Variants in KCND2 observed in about 807,000 individuals in gnomAD.
KCND2 encodes A-type voltage-gated potassium channel KCND2.
KCND2 carries 16 observed loss-of-function variants against 54.4 expected under a neutral mutation model. The observed-to-expected ratio is 0.29, with a 90% confidence interval of 0.20 to 0.45. The LOEUF (loss-of-function observed/expected upper bound fraction) is 0.45. Ranked by LOEUF, KCND2 falls within the 20% of genes least tolerant of loss-of-function variation. The pLI is 1.00. For missense variants in KCND2, 486 were observed against 824.2 expected (o/e 0.59, Z 5.02); for synonymous variants, 317 against 310.7 (o/e 1.02, Z -0.21).
At chr7:120,443,471 A>G (rs1367123237) in intron 1 of KCND2, among the ~76,000 whole-genome samples, 2 of 151,800 alleles carry the variant, frequency 1.3e-5, no homozygotes, top group Non-Finnish European at 2.9e-5. Context: ...CATTATCATA[A>G]TTTCCTTACT....
At chr7:120,439,826 A>G (rs536885581) in intron 1 of KCND2, among the ~76,000 whole-genome samples, 17 of 152,176 alleles carry the variant, frequency 1.1e-4, no homozygotes, top group African/African-American at 4.1e-4. Context: ...GTTGCTGTGA[A>G]TGACACAATT....
intron 1 of KCND2, among the ~76,000 whole-genome samples, chr7:120,399,997 A>T (rs1801223238): frequency 6.6e-6 from 1 of 152,136 alleles, no homozygotes; most frequent in Admixed American, 6.6e-5. Flanking sequence ...AAGTGCTGGG[A>T]TTACAGGCAT....
chr7:120,504,413 TG>T (rs1366096005), intron 1 of KCND2, among the ~76,000 whole-genome samples: 1 of 151,942 alleles, frequency 6.6e-6, no homozygotes, highest in African/African-American at 2.4e-5. Context: ...CTCAAGTATG[TG>T]GATCTATTTT....
rs549504459 is a variant in KCND2 at position 120,526,179 on chromosome 7, A to G, written c.1116-206724A>G. Among the ~76,000 whole-genome samples, 3 of 152,306 alleles carry G rather than the reference A, an allele frequency of 2.0e-5. No individual in the cohort carries two copies. In the South Asian group the frequency reaches 6.2e-4, roughly 32 times the overall value. On this transcript the variant is annotated intron_variant, in intron 1 of 5. Coordinates refer to ENST00000331113, the MANE Select transcript of KCND2 (RefSeq NM_012281.3). ...TCTGTTTTATGAATTTTCATGTACA[A>G]TTCACCAGACATCACTTTCTGAATC...
At chr7:120,301,229 A>G (rs1799581823) in intron 1 of KCND2, among the ~76,000 whole-genome samples, 1 of 152,186 alleles carries the variant, frequency 6.6e-6, no homozygotes, top group South Asian at 2.1e-4. Context: ...GGTAGGTAAT[A>G]TTACTATAGT....
At chr7:120,422,686 G>T (rs553441295) in intron 1 of KCND2, among the ~76,000 whole-genome samples, 2 of 152,016 alleles carry the variant, frequency 1.3e-5, no homozygotes, top group African/African-American at 4.8e-5. Context: ...CCTCCACCTC[G>T]CTCTGCTTTC....
intron 1 of KCND2, among the ~76,000 whole-genome samples, chr7:120,304,602 T>C (rs1799625047): frequency 6.6e-6 from 1 of 152,330 alleles, no homozygotes; most frequent in East Asian, 1.9e-4. Flanking sequence ...CAGCTTATTC[T>C]GATGCCAGTT....
chr7:120,642,571 AAAAAAAAT>A (rs1562896476), intron 1 of KCND2, among the ~76,000 whole-genome samples: 113 of 149,196 alleles, frequency 7.6e-4, no homozygotes, highest in African/African-American at 2.6e-3. Flanking sequence ...ATAAAAAATA[AAAAAAAAT>A]ATATATATAT....
chr7:120,703,198 T>C (rs991055864), intron 1 of KCND2, among the ~76,000 whole-genome samples: 11 of 152,192 alleles, frequency 7.2e-5, no homozygotes, highest in African/African-American at 2.2e-4. Flanking sequence ...CAATTTTCAC[T>C]GGCACATCAG....
intron 1 of KCND2, among the ~76,000 whole-genome samples, chr7:120,635,318 A>G (rs1207941207): frequency 1.3e-5 from 2 of 152,222 alleles, no homozygotes; most frequent in African/African-American, 4.8e-5. Context: ...ATAGGAATCA[A>G]TATATTTCAT....
intron 1 of KCND2, among the ~76,000 whole-genome samples, chr7:120,417,614 T>C (rs1801542895): frequency 6.6e-6 from 1 of 152,180 alleles, no homozygotes; most frequent in Non-Finnish European, 1.5e-5. Context: ...TGTAAGCAAG[T>C]ATAAATTTTT....
intron 1 of KCND2, among the ~76,000 whole-genome samples, chr7:120,612,134 G>A (rs1792964057): frequency 6.9e-6 from 1 of 144,084 alleles, no homozygotes; most frequent in Non-Finnish European, 1.6e-5. Context: ...CTACTAATGA[G>A]CAGATAGAGA....
rs1446613412 is a variant in KCND2 at position 120,750,010 on chromosome 7, TTTTGA to T, written c.*2156_*2160del. 1 of 151,992 alleles carries T rather than the reference TTTTGA, an allele frequency of 6.6e-6. No homozygotes were observed. Among genetic ancestry groups the T allele is most frequent in the Non-Finnish European group, 1.5e-5 (1 of 67,870 alleles). The allele number at this position is 151,992 out of a possible 1,614,324, so 9.4% of individuals were successfully genotyped here. On this transcript the variant is annotated 3_prime_UTR_variant, in exon 6 of 6. Transcript: ENST00000331113. ...TTTCAATTGACAATTCTGCCTCCTC[TTTTGA>T]TTTATCACTTACCCAAAATTATTAA...
intron 1 of KCND2, among the ~76,000 whole-genome samples, chr7:120,449,404 T>G (rs1159195827): frequency 6.6e-6 from 1 of 152,142 alleles, no homozygotes; most frequent in African/African-American, 2.4e-5. Flanking sequence ...CACATTACCC[T>G]ACTGGCCTTT....
At chr7:120,549,218 T>A (rs1792078181) in intron 1 of KCND2, among the ~76,000 whole-genome samples, 1 of 152,078 alleles carries the variant, frequency 6.6e-6, no homozygotes. Context: ...GTATTATAAT[T>A]GAGTGATGTT....
chr7:120,425,178 G>C (rs773215811), intron 1 of KCND2, among the ~76,000 whole-genome samples: 5 of 152,036 alleles, frequency 3.3e-5, no homozygotes, highest in Non-Finnish European at 5.9e-5. Context: ...GGTGCAAACT[G>C]AGCATATAAT....
chr7:120,572,111 A>G (rs1038431033), intron 1 of KCND2, among the ~76,000 whole-genome samples: 2 of 152,000 alleles, frequency 1.3e-5, no homozygotes, highest in South Asian at 2.1e-4. Flanking sequence ...GATCCTTGCC[A>G]TGTAAGTTCA....
At chr7:120,452,647 G>A (rs1802131155) in intron 1 of KCND2, among the ~76,000 whole-genome samples, 1 of 149,654 alleles carries the variant, frequency 6.7e-6, no homozygotes, top group Admixed American at 6.6e-5. Flanking sequence ...TCTGGAATCT[G>A]GGCAGCAAGA....
intron 1 of KCND2, among the ~76,000 whole-genome samples, chr7:120,360,462 C>T (rs767241156): frequency 6.6e-6 from 1 of 151,946 alleles, no homozygotes; most frequent in Non-Finnish European, 1.5e-5. Context: ...AATGTTTGAT[C>T]TGGAGGCTTT....
Sources: gnomAD v4.1 joint callset for allele counts (sites outside exome capture counted in the v4.1 genomes callset) on GRCh38, gnomAD v4.1.1 for gene constraint, MANE v1.5 for transcripts, NCBI Gene and HGNC (gene_info 2026-07-23, HGNC 2026-07-21) for gene names.